ASAH2: variants seen among roughly 807,000 people sequenced by gnomAD.
ASAH2 encodes N-acylsphingosine amidohydrolase 2, also known as neutral ceramidase.
Under a neutral mutation model 82.9 loss-of-function variants are expected in ASAH2, and 58 were observed. The observed-to-expected ratio is 0.70, with a 90% CI of 0.57 to 0.87. The LOEUF (loss-of-function observed/expected upper bound fraction) is 0.87. Among genes scored for constraint, ASAH2 ranks in the 40% least tolerant of loss-of-function variants. The pLI, the probability that ASAH2 is intolerant of heterozygous loss-of-function variation, is 0.00. For synonymous variants in ASAH2, 276 were observed against 289.7 expected, an observed-to-expected ratio of 0.95 and a Z score of 0.48; for missense variants, 779 against 834.0, an observed-to-expected ratio of 0.93 and a Z score of 0.81.
chr10:50,201,971 T>A (rs1260188960), intron 16 of ASAH2, among the ~76,000 whole-genome samples: 2 of 152,108 alleles, frequency 1.3e-5, no homozygotes, highest in Non-Finnish European at 2.9e-5. Context: ...GCTAAAATAA[T>A]TTGTTTGTTT....
Position 50,236,038 on chromosome 10 carries a change from A to G in ASAH2, c.537T>C (p.Tyr179=), listed in dbSNP as rs1232747058. ...LEVLNRLQSK[Y]GSLYRRDNVI... is the part of the protein sequence containing the mutation. ...CATTATCTCTTCTGTACAGGGAGCC[A>G]TATTTACTCTGCAGTCTGTTCAGGA... Residue 179 remains tyrosine, a synonymous_variant, in exon 5 of 21, where the codon TAT becomes TAC. Coordinates refer to ENST00000682911, the MANE Select transcript of ASAH2 (RefSeq NM_019893.4). The G allele has an allele frequency of 2.5e-6, 4 of 1,612,726 alleles. No homozygotes were observed. In the African/African-American group the frequency reaches 5.3e-5, roughly 22 times the overall value.
chr10:50,198,706 C>T (rs1845058572), intron 17 of ASAH2, among the ~76,000 whole-genome samples: 1 of 151,988 alleles, frequency 6.6e-6, no homozygotes, highest in Non-Finnish European at 1.5e-5. Flanking sequence ...CATCACTTAT[C>T]TTCAAGCCTA....
At chr10:50,221,232 GA>G (rs1306849392) in intron 7 of ASAH2, among the ~76,000 whole-genome samples, 1 of 152,108 alleles carries the variant, frequency 6.6e-6, no homozygotes, top group Non-Finnish European at 1.5e-5. Context: ...CAAGTATCAG[GA>G]AATTCTAATC....
intron 7 of ASAH2, among the ~76,000 whole-genome samples, chr10:50,220,482 T>C (rs1361510230): frequency 2.3e-5 from 1 of 44,364 alleles, no homozygotes; most frequent in African/African-American, 5.0e-5. Flanking sequence ...TGCCGGAACA[T>C]AGATGGAGCT....
chr10:50,235,988 T>A lies in ASAH2; in HGVS notation c.587A>T (p.His196Leu), dbSNP rs1021035748. Residue 196 changes from histidine to leucine, a missense_variant, in exon 5 of 21, where the codon CAT becomes CTT. His to Leu is a moderately conservative substitution (Grantham distance 99). This residue lies in a region of ASAH2 where 759 missense variants were observed against 755.2 expected (regional missense o/e 1.00). Coordinates refer to ENST00000682911, the MANE Select transcript of ASAH2 (RefSeq NM_019893.4). ...CTGGAAATATCCTGCAGGACCTGAA[T>A]GAGTGTGAGTGCCACTCAGGATGAC... ...DNVILSGTHT[H>L]SGPAGYFQYT... is the part of the protein sequence containing the mutation. 3 of 1,613,270 alleles carry A rather than the reference T, an allele frequency of 1.9e-6. No homozygotes were observed. The highest frequency in any genetic ancestry group is 1.7e-5 in the Admixed American group (1 of 59,946).
Position 50,234,552 on chromosome 10 carries a change from T to C in ASAH2, c.688A>G (p.Ser230Gly). ...ATATTTGTGTGTGCTATGTCAATGC[T>C]CTGAAGGTTAAAAAAGAGGGGGATG... ...FQHMVTGILK[S>G]IDIAHTNMKP... The change falls in exon 6 of 21, where the codon AGC becomes GGC. Residue 230 changes from serine to glycine, a missense_variant and splice_region_variant. By Grantham distance (56) the Ser-to-Gly change is moderately conservative. This residue lies in a region of ASAH2 where 759 missense variants were observed against 755.2 expected (regional missense o/e 1.00). Transcript: ENST00000682911. The C allele has an allele frequency of 1.9e-6, 3 of 1,612,796 alleles. No individual in the cohort carries two copies. Among genetic ancestry groups the C allele is most frequent in the Non-Finnish European group, 2.5e-6 (3 of 1,179,020 alleles).
rs1253991604 is a variant in ASAH2 at position 50,239,441 on chromosome 10, C to T, written c.511-3377G>A. ...CACCTACAAAACAACACATTAAACT[C>T]CTCCCCACTCTACCCGCCAAAGTCT... On this transcript the variant is annotated intron_variant, in intron 4 of 20. Coordinates refer to ENST00000682911, the MANE Select transcript of ASAH2 (RefSeq NM_019893.4). 2.6e-5 allele frequency among the ~76,000 whole-genome samples: 4 copies of T among 152,230 alleles called. No homozygotes were observed. The South Asian group carries it at 6.2e-4, about 24-fold the overall frequency.
chr10:50,216,526 T>C, intron 8 of ASAH2, among the ~76,000 whole-genome samples: 1 of 152,210 alleles, frequency 6.6e-6, no homozygotes, highest in Admixed American at 6.5e-5. Flanking sequence ...TAGTCTATTG[T>C]GTTTTATCTG....
intron 2 of ASAH2, among the ~76,000 whole-genome samples, chr10:50,247,888 A>G (rs1846510569): frequency 6.6e-6 from 1 of 152,184 alleles, no homozygotes; most frequent in South Asian, 2.1e-4. Context: ...GTTCTCTGGA[A>G]AACTCAGGAG....
At chr10:50,224,440 C>T (rs1589343037) in intron 7 of ASAH2, among the ~76,000 whole-genome samples, 1 of 151,828 alleles carries the variant, frequency 6.6e-6, no homozygotes, top group Non-Finnish European at 1.5e-5. Context: ...TATATGGGGG[C>T]GGTGTTCAAC....
intron 7 of ASAH2, among the ~76,000 whole-genome samples, chr10:50,223,061 G>A (rs1845787573): frequency 6.6e-6 from 1 of 152,166 alleles, no homozygotes; most frequent in African/African-American, 2.4e-5. Flanking sequence ...ACAGCAGAAA[G>A]TCAAGAGATT....
At chr10:50,199,214 T>G in intron 16 of ASAH2, 68 bp from the exon 17 acceptor site, 1 of 1,555,060 alleles carries the variant, frequency 6.4e-7, no homozygotes. Flanking sequence ...AGGTGTAGCA[T>G]TTTGGGTAAG....
intron 5 of ASAH2, 141 bp downstream of exon 5, chr10:50,235,747 T>C (rs1846143712): frequency 6.8e-6 from 6 of 885,810 alleles, no homozygotes; most frequent in Non-Finnish European, 1.1e-5. Flanking sequence ...TAAGATAGAG[T>C]CAGGGAGGAG....
At chr10:50,227,282 C>CAA (rs1439591316) in intron 7 of ASAH2, among the ~76,000 whole-genome samples, 1 of 151,194 alleles carries the variant, frequency 6.6e-6, no homozygotes, top group Non-Finnish European at 1.5e-5. Flanking sequence ...GACTTTAAGA[C>CAA]AAAAAAAACA....
intron 12 of ASAH2, among the ~76,000 whole-genome samples, chr10:50,208,733 C>A (rs1274161791): frequency 1.3e-5 from 2 of 152,042 alleles, no homozygotes; most frequent in African/African-American, 4.8e-5. Context: ...TGGCAATACT[C>A]CCCCAAATTA....
chr10:50,208,822 C>G (rs1411628231), intron 12 of ASAH2, among the ~76,000 whole-genome samples: 1 of 152,170 alleles, frequency 6.6e-6, no homozygotes, highest in Non-Finnish European at 1.5e-5. Context: ...TCTAAAATTC[C>G]TGTGGAATCT....
intron 7 of ASAH2, 133 bp downstream of exon 7, chr10:50,233,051 G>T: frequency 1.3e-6 from 1 of 794,336 alleles, no homozygotes; most frequent in South Asian, 1.4e-5. Flanking sequence ...AGTTGTGTCT[G>T]ACTTCAGAAC....
At chr10:50,232,644 A>G (rs1390923946) in intron 7 of ASAH2, among the ~76,000 whole-genome samples, 1 of 152,152 alleles carries the variant, frequency 6.6e-6, no homozygotes, top group Non-Finnish European at 1.5e-5. Flanking sequence ...TAATTGTGCT[A>G]AAAGCTGGCC....
At chr10:50,223,961 G>T (rs1429123762) in intron 7 of ASAH2, among the ~76,000 whole-genome samples, 1 of 152,284 alleles carries the variant, frequency 6.6e-6, no homozygotes, top group South Asian at 2.1e-4. Flanking sequence ...AACCAACCCT[G>T]CTAATGCCTT....
Sources: allele counts gnomAD v4.1 joint callset (sites outside exome capture counted in the v4.1 genomes callset), GRCh38; gene constraint gnomAD v4.1.1; regional missense constraint gnomAD v4.1.1; transcripts MANE v1.5; gene names NCBI Gene and HGNC (gene_info 2026-07-23, HGNC 2026-07-21).